Variants in NCOA5 observed in about 807,000 individuals in gnomAD.
The protein encoded by NCOA5 is NCoA-5.
Under a neutral mutation model 59.0 loss-of-function variants are expected in NCOA5, and 12 were observed. The observed-to-expected ratio is 0.20, with a 90% CI of 0.13 to 0.33. NCOA5 has a LOEUF of 0.33. NCOA5 is among the 10% of genes least tolerant of loss of function. NCOA5 has a pLI of 1.00. For missense variants in NCOA5, 655 were observed against 766.6 expected, an observed-to-expected ratio of 0.85 and a Z score of 1.72; for synonymous variants, 270 against 275.5, an observed-to-expected ratio of 0.98 and a Z score of 0.20.
intron 5 of NCOA5, among the ~76,000 whole-genome samples, chr20:46,065,451 C>T (rs529427208): frequency 6.6e-6 from 1 of 152,268 alleles, no homozygotes; most frequent in Non-Finnish European, 1.5e-5. Flanking sequence ...CAGTATGATA[C>T]CCAGGTCCTT....
chr20:46,063,269 A>G, intron 7 of NCOA5, 91 bp downstream of exon 7: 1 of 1,362,620 alleles, frequency 7.3e-7, no homozygotes, highest in Admixed American at 2.1e-5. Flanking sequence ...CCCACTCCAA[A>G]GAGCCCTGGG....
intron 1 of NCOA5, among the ~76,000 whole-genome samples, chr20:46,087,220 G>A (rs923927132): frequency 1.3e-5 from 2 of 152,150 alleles, no homozygotes; most frequent in African/African-American, 4.8e-5. Context: ...CATTCTTCAC[G>A]TGGGGAGTCA....
At chr20:46,085,913 G>A (rs974654623) in intron 1 of NCOA5, among the ~76,000 whole-genome samples, 59 of 152,122 alleles carry the variant, frequency 3.9e-4, no homozygotes, top group Non-Finnish European at 1.2e-4. Flanking sequence ...TCAAAATATT[G>A]CCCATTTTAG....
chr20:46,068,579 T>A lies in NCOA5; in HGVS notation c.425A>T (p.Asp142Val), dbSNP rs777235453. The change falls in exon 4 of 8, where the codon GAC (aspartate) becomes GTC (valine). Residue 142 changes from aspartate (D) to valine (V), a missense_variant. Asp to Val is a radical substitution (Grantham distance 152, BLOSUM62 -3). Transcript: ENST00000290231. Reference protein sequence around the residue: ...RMDDYCRRKDDSYFDRYRDSF... With the variant: ...RMDDYCRRKDVSYFDRYRDSF... Reference sequence around the variant, plus strand: ...ATCTCTGTAACGGTCAAAATAAGAGTCATCCTTTCTCCTGCAATAGTCATC... The same window carrying A: ...ATCTCTGTAACGGTCAAAATAAGAGACATCCTTTCTCCTGCAATAGTCATC... 1 of 1,613,602 alleles carries A rather than the reference T, an allele frequency of 6.2e-7. No individual in the cohort carries two copies. The highest frequency in any genetic ancestry group is 1.3e-5 in the African/African-American group (1 of 74,996).
rs1392710701 is a variant in NCOA5 at position 46,063,429 on chromosome 20, C to T, written c.1081G>A (p.Asp361Asn). Residue 361 changes from aspartate (D) to asparagine (N), a missense_variant, in exon 7 of 8, where the codon GAC becomes AAC. Transcript: ENST00000290231. ...TCTCGCAGGTAGTTGATGATCTTGT[C>T]AGTCTCTTCAGCAGTGAGGTACCTG... ...DNRYLTAEETDKIINYLRERK... is the reference protein window; with the variant it reads ...DNRYLTAEETNKIINYLRERK... 1 of 1,614,174 alleles carries T rather than the reference C, an allele frequency of 6.2e-7. No individual in the cohort carries two copies.
At chr20:46,089,188 T>C (rs972623710) in intron 1 of NCOA5, among the ~76,000 whole-genome samples, 1 of 152,100 alleles carries the variant, frequency 6.6e-6, no homozygotes, top group Non-Finnish European at 1.5e-5. Flanking sequence ...GATCGGACGC[T>C]GGCGCTGAGC....
At chr20:46,076,989 C>T (rs984008210) in intron 2 of NCOA5, among the ~76,000 whole-genome samples, 2 of 152,164 alleles carry the variant, frequency 1.3e-5, no homozygotes, top group Non-Finnish European at 2.9e-5. Context: ...GATCACGGCT[C>T]ACTGCAGCCT....
chr20:46,067,647 A>AG (rs34458019), intron 4 of NCOA5, among the ~76,000 whole-genome samples: 28,399 of 151,870 alleles, frequency 0.19, 2,828 homozygotes, highest in South Asian at 0.29. Context: ...AAAATCAAGT[A>AG]TAAAGTTTAA....
intron 1 of NCOA5, among the ~76,000 whole-genome samples, chr20:46,088,903 T>C (rs1321345900): frequency 6.6e-6 from 1 of 152,218 alleles, no homozygotes; most frequent in Admixed American, 6.5e-5. Flanking sequence ...AACAGACAGA[T>C]ATTTATTTTT....
chr20:46,082,087 T>A (rs2084997763), intron 1 of NCOA5, among the ~76,000 whole-genome samples: 2 of 152,126 alleles, frequency 1.3e-5, no homozygotes, highest in South Asian at 4.1e-4. Context: ...TAAAAAAGAT[T>A]TTCTTTGAAA....
Position 46,063,383 on chromosome 20 carries a change from C to T in NCOA5, c.1127G>A (p.Arg376Lys), listed in dbSNP as rs1232090625. The T allele has an allele frequency of 6.2e-7, 1 of 1,613,136 alleles. No homozygotes were observed. Among genetic ancestry groups the T allele is most frequent in the African/African-American group, 1.3e-5 (1 of 74,882 alleles). The part of the protein sequence containing the change: ...YLRERKERLM[R>K]SSTDSLPGPI... ...ACCAGGCAGAGAGTCGGTGCTGCTCCTCATCAGCCGCTCCTTCCGCTCTCG... is the reference window on the plus strand; with the variant it reads ...ACCAGGCAGAGAGTCGGTGCTGCTCTTCATCAGCCGCTCCTTCCGCTCTCG... The change falls in exon 7 of 8, where the codon AGG becomes AAG. Residue 376 changes from arginine (R) to lysine (K), a missense_variant. By Grantham distance (26) the Arg-to-Lys change is conservative. Around this residue, in one of 3 missense-constraint regions of NCOA5, gnomAD observed 325 missense variants for 353.2 expected, o/e 0.92. Coordinates refer to ENST00000290231, the MANE Select transcript of NCOA5 (RefSeq NM_020967.3).
intron 3 of NCOA5, 45 bp from the exon 4 acceptor site, chr20:46,068,683 T>G (rs895307867): frequency 1.3e-6 from 2 of 1,583,714 alleles, no homozygotes; most frequent in African/African-American, 2.7e-5. Context: ...CTGTGTCTTA[T>G]CCTGAAAAAG....
chr20:46,075,009 A>C (rs1465825355), intron 2 of NCOA5, among the ~76,000 whole-genome samples: 3 of 152,182 alleles, frequency 2.0e-5, no homozygotes, highest in African/African-American at 7.2e-5. Context: ...TAGCTCTTCA[A>C]ACTTCTGTCA....
At chr20:46,087,479 TG>T (rs2085056686) in intron 1 of NCOA5, among the ~76,000 whole-genome samples, 1 of 152,208 alleles carries the variant, frequency 6.6e-6, no homozygotes, top group Non-Finnish European at 1.5e-5. Context: ...TTATTCTGGT[TG>T]GACGCGGTGG....
In NCOA5 at chr20:46,089,955, C is replaced by G. The variant is rs955489169; in HGVS notation, c.-168G>C. On this transcript the variant is annotated 5_prime_UTR_variant, in exon 1 of 8. Transcript: ENST00000290231. ...CGGGCACGAGGCAATGGCGGCCGGG[C>G]GGAGAGTGGAGATGGGGGCAGAGGG... is the stretch of plus-strand genomic sequence containing the variant. 6.6e-6 allele frequency: 1 copy of G among 152,204 alleles called. No homozygotes were observed. Among genetic ancestry groups the G allele is most frequent in the Non-Finnish European group, 1.5e-5 (1 of 68,032 alleles). The allele number at this position is 152,204 out of a possible 1,614,324, so 9.4% of individuals were successfully genotyped here.
In NCOA5 at chr20:46,062,244, G is replaced by GT; in HGVS notation, c.*55dup. The GT allele has an allele frequency of 2.1e-6, 3 of 1,395,810 alleles. No individual in the cohort carries two copies. The highest frequency in any genetic ancestry group is 1.9e-4 in the Middle Eastern group (1 of 5,228). 86.5% of individuals were successfully genotyped at this position (1,395,810 alleles called of 1,614,324 possible). ...CTCCAAACAGCTCTATTTAGAACAA[G>GT]TAAGTGGGAGGAGGCCAGGGGATGA... On this transcript the variant is annotated 3_prime_UTR_variant, in exon 8 of 8. Coordinates refer to ENST00000290231, the MANE Select transcript of NCOA5 (RefSeq NM_020967.3).
Position 46,061,037 on chromosome 20 carries a change from A to G in NCOA5, c.*1263T>C, listed in dbSNP as rs1038422090. ...GTAATCATTTCATTTTATTAACAAC[A>G]CAAGAGTTCCAAAGAGGAAAAAAAA... is the stretch of plus-strand genomic sequence containing the variant. On this transcript the variant is annotated 3_prime_UTR_variant, in exon 8 of 8. Transcript: ENST00000290231. 3.9e-5 allele frequency: 6 copies of G among 152,040 alleles called. No homozygotes were observed. The highest frequency in any genetic ancestry group is 1.4e-4 in the African/African-American group (6 of 41,386). The allele number at this position is 152,040 out of a possible 1,614,324, so 9.4% of individuals were successfully genotyped here.
chr20:46,081,169 C>T (rs552672488), intron 1 of NCOA5, among the ~76,000 whole-genome samples: 3 of 152,178 alleles, frequency 2.0e-5, no homozygotes, highest in South Asian at 4.1e-4. Context: ...CATAACATAA[C>T]TTCAGCAGGA....
chr20:46,087,951 G>A (rs572245421), intron 1 of NCOA5, among the ~76,000 whole-genome samples: 1 of 116,160 alleles, frequency 8.6e-6, no homozygotes, highest in Non-Finnish European at 2.2e-5. Flanking sequence ...TTTTTAACAG[G>A]GGGAGAGATA....
Sources: allele counts gnomAD v4.1 joint callset (sites outside exome capture counted in the v4.1 genomes callset), GRCh38; gene constraint gnomAD v4.1.1; regional missense constraint gnomAD v4.1.1; transcripts MANE v1.5; gene names NCBI Gene and HGNC (gene_info 2026-07-23, HGNC 2026-07-21).